The following EYA1 variants were observed in gnomAD, a reference collection of about 807,000 sequenced individuals.
EYA1 encodes the protein protein phosphatase EYA1.
EYA1 carries 16 observed loss-of-function variants against 82.0 expected under a neutral mutation model. The observed-to-expected ratio is 0.20, with a 90% CI of 0.13 to 0.30. The LOEUF (loss-of-function observed/expected upper bound fraction) is 0.30, where lower values mean the gene tolerates loss of function less well. Among genes scored for constraint, EYA1 ranks in the 10% least tolerant of loss-of-function variants. The probability of loss-of-function intolerance (pLI) is 1.00; values close to 1 mark genes in which losing one functional copy is unlikely to be tolerated. For synonymous variants in EYA1, 261 were observed against 264.4 expected, an observed-to-expected ratio of 0.99 and a Z score of 0.12; for missense variants, 633 against 730.7, an observed-to-expected ratio of 0.87 and a Z score of 1.54.
intron 2 of EYA1, among the ~76,000 whole-genome samples, chr8:71,416,040 C>T (rs1007546576): frequency 1.1e-4 from 17 of 152,184 alleles, no homozygotes; most frequent in African/African-American, 4.1e-4. Context: ...CCCCTGCTTC[C>T]CTGTGCCGCA....
intron 1 of EYA1, among the ~76,000 whole-genome samples, chr8:71,357,150 G>C (rs550198569): frequency 1.3e-5 from 2 of 152,308 alleles, no homozygotes; most frequent in South Asian, 4.1e-4. Context: ...TGAACAATGT[G>C]CTCATTTACC....
At chr8:71,470,728 A>G in intron 2 of EYA1, 1 of 331,760 alleles carries the variant, frequency 3.0e-6, no homozygotes, top group Non-Finnish European at 5.9e-6. Context: ...CTAAACACTC[A>G]AGGATTAAGG....
At chr8:71,495,970 A>C (rs1247458212) in intron 2 of EYA1, among the ~76,000 whole-genome samples, 2 of 152,216 alleles carry the variant, frequency 1.3e-5, no homozygotes, top group Non-Finnish European at 2.9e-5. Context: ...GTTTTGCAAA[A>C]GGTTGGAAGT....
At chr8:71,536,898 C>T (rs576939668) in intron 1 of EYA1, among the ~76,000 whole-genome samples, 1 of 152,302 alleles carries the variant, frequency 6.6e-6, no homozygotes, top group South Asian at 2.1e-4. Context: ...ATGTGAATAA[C>T]ATAAGCTATC....
At chr8:71,356,189 T>C (rs1826857901) in intron 2 of EYA1, among the ~76,000 whole-genome samples, 1 of 152,132 alleles carries the variant, frequency 6.6e-6, no homozygotes, top group Non-Finnish European at 1.5e-5. Context: ...CTAGAAATGG[T>C]CTAAAATCCA....
Position 71,478,521 on chromosome 8 carries a change from T to C in EYA1, c.33+57223A>G, listed in dbSNP as rs147243407. Among the ~76,000 whole-genome samples, 1,345 of 152,292 alleles carry C rather than the reference T, an allele frequency of 8.8e-3. 32 individuals are homozygous for C. The highest frequency in any genetic ancestry group is 0.046 in the Admixed American group (697 of 15,290). ...GAACTTATGGCTACCCCAAAAATCATGGGAGTAAACGAAATGAGCTTCATA... is the reference window on the plus strand; with the variant it reads ...GAACTTATGGCTACCCCAAAAATCACGGGAGTAAACGAAATGAGCTTCATA... On this transcript the variant is annotated intron_variant, in intron 2 of 18. Transcript: ENST00000643681.
intron 2 of EYA1, chr8:71,470,956 G>A (rs771387996): frequency 1.6e-5 from 7 of 437,160 alleles, no homozygotes; most frequent in Non-Finnish European, 2.7e-5. Context: ...GGAAAAAGGG[G>A]AGAAAAACCT....
rs918405803 is a variant in EYA1 at position 71,505,631 on chromosome 8, AT to A, written c.33+30112del. On this transcript the variant is annotated intron_variant, in intron 2 of 18. Coordinates refer to the EYA1 transcript ENST00000643681. Reference sequence around the variant, plus strand: ...CACTACCTCATCTTTTGATCTAACAATTTTTTTGTGGGTGTGGCAATTGCCA... The same window carrying A: ...CACTACCTCATCTTTTGATCTAACAATTTTTTGTGGGTGTGGCAATTGCCA... Among the ~76,000 whole-genome samples, 217 of 152,106 alleles carry A rather than the reference AT, an allele frequency of 1.4e-3. 1 individual carries two copies. The highest frequency in any genetic ancestry group is 4.8e-3 in the African/African-American group (200 of 41,506).
intron 9 of EYA1, among the ~76,000 whole-genome samples, chr8:71,294,099 T>G (rs1004151517): frequency 6.6e-6 from 1 of 151,336 alleles, no homozygotes; most frequent in African/African-American, 2.4e-5. Flanking sequence ...GGTTGCAGGA[T>G]ATAACATAAT....
intron 11 of EYA1, among the ~76,000 whole-genome samples, chr8:71,269,038 C>T (rs905250932): frequency 1.3e-5 from 2 of 152,138 alleles, no homozygotes; most frequent in African/African-American, 4.8e-5. Context: ...CCTATAGCTA[C>T]TTTAAATAAC....
At chr8:71,292,087 T>A (rs1348087993) in intron 9 of EYA1, among the ~76,000 whole-genome samples, 3 of 152,154 alleles carry the variant, frequency 2.0e-5, no homozygotes. Context: ...GTTTAAGTGA[T>A]CTTTTGATAA....
chr8:71,526,892 T>A (rs1296488196), intron 2 of EYA1, among the ~76,000 whole-genome samples: 1 of 152,210 alleles, frequency 6.6e-6, no homozygotes, highest in African/African-American at 2.4e-5. Flanking sequence ...ATCAAAGAAT[T>A]TGTGAACATA....
At chr8:71,272,223 C>G (rs1304511164) in intron 9 of EYA1, among the ~76,000 whole-genome samples, 1 of 152,138 alleles carries the variant, frequency 6.6e-6, no homozygotes, top group East Asian at 1.9e-4. Flanking sequence ...CTCATTCATT[C>G]CAGTCACAGC....
intron 2 of EYA1, among the ~76,000 whole-genome samples, chr8:71,472,790 T>TATAG (rs1554592240): frequency 2.1e-5 from 2 of 96,552 alleles, no homozygotes; most frequent in Non-Finnish European, 4.8e-5. Flanking sequence ...GCTTTGAAGA[T>TATAG]ATATATATAT....
chr8:71,339,972 T>C (rs748605383), intron 3 of EYA1, among the ~76,000 whole-genome samples: 7 of 152,192 alleles, frequency 4.6e-5, no homozygotes, highest in Non-Finnish European at 8.8e-5. Flanking sequence ...CTCTATAATT[T>C]CCACCACTCT....
At chr8:71,322,428 C>A in intron 4 of EYA1, 160 bp from the exon 5 acceptor site, 1 of 671,008 alleles carries the variant, frequency 1.5e-6, no homozygotes. Context: ...ATGGTTCCAC[C>A]TAACAGAAAG....
At chr8:71,497,125 T>A (rs970146653) in intron 2 of EYA1, among the ~76,000 whole-genome samples, 4 of 152,200 alleles carry the variant, frequency 2.6e-5, no homozygotes, top group African/African-American at 9.7e-5. Flanking sequence ...GGGTGTCCAA[T>A]CTTTTGGCTT....
chr8:71,449,872 T>C lies in EYA1; in HGVS notation c.33+85872A>G, dbSNP rs1807211595. 2.6e-5 allele frequency among the ~76,000 whole-genome samples: 4 copies of C among 152,312 alleles called. No individual in the cohort carries two copies. The South Asian group carries it at 8.3e-4, about 32-fold the overall frequency. ...TCTTCTGGAAACTTGCTGCAGAAGT[T>C]CTGGAAACTTACTGCATCTTCTGCT... On this transcript the variant is annotated intron_variant, in intron 2 of 18. Coordinates refer to the EYA1 transcript ENST00000643681.
intron 2 of EYA1, among the ~76,000 whole-genome samples, chr8:71,434,218 TA>T (rs1805839805): frequency 6.6e-6 from 1 of 152,194 alleles, no homozygotes; most frequent in Non-Finnish European, 1.5e-5. Context: ...TTCTAGACAT[TA>T]TTGTAGTTGC....
Sources: allele counts gnomAD v4.1 joint callset (sites outside exome capture counted in the v4.1 genomes callset), GRCh38; gene constraint gnomAD v4.1.1; transcripts MANE v1.5; gene names NCBI Gene and HGNC (gene_info 2026-07-23, HGNC 2026-07-21).